LRP5: variants seen among roughly 807,000 people sequenced by gnomAD.
LRP5 encodes LDL receptor related protein 5.
A neutral mutation model predicts 154.1 loss-of-function variants in LRP5; 62 were observed. The ratio of observed to expected loss-of-function variants is 0.40; its 90% CI spans 0.33 to 0.50. The LOEUF is 0.50. Among genes scored for constraint, LRP5 ranks in the 20% least tolerant of loss-of-function variants. The probability of loss-of-function intolerance (pLI) is 0.55; values close to 1 mark genes in which losing one functional copy is unlikely to be tolerated. For synonymous variants in LRP5, 966 were observed against 1,011.5 expected (o/e 0.96, Z 0.85); for missense variants, 1,915 against 2,336.7 (o/e 0.82, Z 3.72).
At chr11:68,305,527 C>T in the LRP5 span, among the ~76,000 whole-genome samples, 1 of 152,168 alleles carries the variant, frequency 6.6e-6, no homozygotes, top group Non-Finnish European at 1.5e-5. Flanking sequence ...ACTACAACCT[C>T]CTCCTCCCGG....
intron 1 of LRP5, among the ~76,000 whole-genome samples, chr11:68,329,143 A>G (rs2098601364): frequency 6.6e-6 from 1 of 152,242 alleles, no homozygotes; most frequent in Non-Finnish European, 1.5e-5. Context: ...AGCAGTCTCC[A>G]TGGGGTTGCT....
intron 13 of LRP5, among the ~76,000 whole-genome samples, chr11:68,419,108 C>T (rs1387128213): frequency 6.6e-6 from 1 of 152,142 alleles, no homozygotes; most frequent in Non-Finnish European, 1.5e-5. Flanking sequence ...TTAGGAGTCC[C>T]CCTGCTCCCC....
chr11:68,357,544 AT>A, intron 2 of LRP5, 105 bp from the exon 3 acceptor site: 1 of 1,083,640 alleles, frequency 9.2e-7, no homozygotes, highest in Non-Finnish European at 1.4e-6. Context: ...GATGGGTGAG[AT>A]TTTAGGGCAA....
chr11:68,342,767 A>C (rs2098609865), intron 1 of LRP5, among the ~76,000 whole-genome samples: 1 of 152,206 alleles, frequency 6.6e-6, no homozygotes, highest in South Asian at 2.1e-4. Context: ...GGAAAAGCAC[A>C]GCAAATTAAA....
intron 7 of LRP5, among the ~76,000 whole-genome samples, chr11:68,402,126 T>C (rs976974096): frequency 6.6e-6 from 1 of 152,162 alleles, no homozygotes; most frequent in African/African-American, 2.4e-5. Flanking sequence ...AAGCTGGAAA[T>C]GTAATCTGGT....
At chr11:68,417,850 G>T (rs2098663450) in intron 13 of LRP5, among the ~76,000 whole-genome samples, 1 of 151,580 alleles carries the variant, frequency 6.6e-6, no homozygotes, top group East Asian at 2.0e-4. Context: ...CAGGAGAATT[G>T]CTTGAACCCA....
chr11:68,363,588 C>T (rs541158524), intron 3 of LRP5, among the ~76,000 whole-genome samples, 159 bp from the exon 4 acceptor site: 6 of 151,528 alleles, frequency 4.0e-5, no homozygotes, highest in Non-Finnish European at 8.8e-5. Context: ...ACCCGGGAGG[C>T]GGAGGTTGCA....
chr11:68,355,571 C>T (rs2098622513), intron 2 of LRP5, among the ~76,000 whole-genome samples: 1 of 152,226 alleles, frequency 6.6e-6, no homozygotes, highest in Admixed American at 6.5e-5. Context: ...GAGTCACGCC[C>T]AGCCTCTGGG....
intron 21 of LRP5, among the ~76,000 whole-genome samples, chr11:68,445,276 T>C (rs1470967311): frequency 6.6e-6 from 1 of 151,946 alleles, no homozygotes; most frequent in Non-Finnish European, 1.5e-5. Flanking sequence ...ATTTTCATAT[T>C]TTTAGTAGAG....
chr11:68,413,894 C>T lies in LRP5; in HGVS notation c.2709C>T (p.Leu903=), dbSNP rs1409562360. 6.2e-7 allele frequency: 1 copy of T among 1,613,022 alleles called. No individual in the cohort carries two copies. Among genetic ancestry groups the T allele is most frequent in the South Asian group, 1.1e-5 (1 of 91,082 alleles). The change falls in exon 12 of 23, where the codon CTC becomes CTT. Residue 903 remains leucine (L), a synonymous_variant. Transcript: ENST00000294304. This position sits in a 1 kb window ranked among gnomAD's most constrained non-coding sequence, Gnocchi z 5.1. ...LVFHSSRQDG[L]NDCMHNNGQC... is the part of the protein sequence containing the mutation. ...TCCACTCCTCCCGCCAGGATGGCCT[C>T]AATGACTGTATGCACAACAACGGGC...
chr11:68,363,975 T>G (rs1037834797), intron 4 of LRP5, 32 bp downstream of exon 4: 9 of 262,382 alleles, frequency 3.4e-5, no homozygotes, highest in South Asian at 5.9e-5. Context: ...GGGGCGAGGG[T>G]GCGGGGGCTG....
intron 12 of LRP5, among the ~76,000 whole-genome samples, chr11:68,414,733 C>T (rs918106096): frequency 5.9e-5 from 9 of 152,220 alleles, no homozygotes; most frequent in African/African-American, 2.2e-4. Context: ...ATCCAGGCCC[C>T]GTTGGAGTCT....
At position 68,373,555 on chromosome 11, in the gene LRP5, C is replaced by T. The variant is rs537941749; in HGVS notation, c.1015+7853C>T. On this transcript the variant is annotated intron_variant, in intron 5 of 22. Coordinates refer to ENST00000294304, the MANE Select transcript of LRP5 (RefSeq NM_002335.4). ...TATCCCACGAGCCTCTGCCGCCCAG[C>T]GTGGCCGGGGCTCAGTGGGACCATG... Among the ~76,000 whole-genome samples, 7 of 152,298 alleles carry T rather than the reference C, an allele frequency of 4.6e-5. No individual in the cohort carries two copies. The South Asian group carries it at 1.0e-3, about 23-fold the overall frequency.
chr11:68,399,913 T>C (rs2098651693), intron 7 of LRP5, among the ~76,000 whole-genome samples: 2 of 152,200 alleles, frequency 1.3e-5, no homozygotes, highest in South Asian at 4.1e-4. Context: ...AAGCCTGATG[T>C]TTTCCCAGTT....
chr11:68,304,605 G>T, the LRP5 span, among the ~76,000 whole-genome samples: 1 of 152,262 alleles, frequency 6.6e-6, no homozygotes, highest in African/African-American at 2.4e-5. Context: ...AAAGCCGCAG[G>T]CCCTCATCTC....
Position 68,449,076 on chromosome 11 carries a change from G to T in LRP5, c.*6G>T, listed in dbSNP as rs1475879219. On this transcript the variant is annotated 3_prime_UTR_variant, in exon 23 of 23. Coordinates refer to ENST00000294304, the MANE Select transcript of LRP5 (RefSeq NM_002335.4). ...CCTGCACGGACTCATCCTGACCTCG[G>T]CCGGGCCACTCTGGCTTCTCTGTGC... 1 of 1,533,610 alleles carries T rather than the reference G, an allele frequency of 6.5e-7. No homozygotes were observed. Among genetic ancestry groups the T allele is most frequent in the South Asian group, 1.2e-5 (1 of 82,008 alleles).
At chr11:68,445,010 C>T (rs944774410) in intron 21 of LRP5, among the ~76,000 whole-genome samples, 1 of 152,170 alleles carries the variant, frequency 6.6e-6, no homozygotes, top group Non-Finnish European at 1.5e-5. Flanking sequence ...CCTGGCCACT[C>T]CCCAGAGGCT....
chr11:68,404,517 G>A, intron 8 of LRP5: 1 of 488,156 alleles, frequency 2.0e-6, no homozygotes. Context: ...AGCAGGTTGG[G>A]GCAGAAAGCA....
At chr11:68,395,923 G>A (rs191736559) in intron 7 of LRP5, among the ~76,000 whole-genome samples, 4 of 152,136 alleles carry the variant, frequency 2.6e-5, no homozygotes, top group African/African-American at 9.7e-5. Flanking sequence ...CTTGCCCAGC[G>A]CCAGGAGCAA....
Sources: gnomAD v4.1 joint callset for allele counts (sites outside exome capture counted in the v4.1 genomes callset) on GRCh38, gnomAD v4.1.1 for gene constraint, Gnocchi (gnomAD v3.1) non-coding constraint, MANE v1.5 for transcripts, NCBI Gene and HGNC (gene_info 2026-07-23, HGNC 2026-07-21) for gene names.